SBF2: variants seen among roughly 807,000 people sequenced by gnomAD.
SBF2 encodes myotubularin-related protein 13.
In SBF2, 112 loss-of-function variants were observed where a neutral mutation model predicts 225.2. That is an observed-to-expected ratio of 0.50 (90% CI 0.43 to 0.58). The LOEUF (loss-of-function observed/expected upper bound fraction) is 0.58, where lower values mean the gene tolerates loss of function less well. Ranked by LOEUF, SBF2 falls within the 20% of genes least tolerant of loss-of-function variation. SBF2 has a pLI of 0.00. For missense variants in SBF2, 1,996 were observed against 2,206.2 expected (o/e 0.90, Z 1.91); for synonymous variants, 763 against 773.3 (o/e 0.99, Z 0.22).
At chr11:9,989,093 C>T (rs578150085) in intron 13 of SBF2, among the ~76,000 whole-genome samples, 53 of 149,614 alleles carry the variant, frequency 3.5e-4, no homozygotes, top group Middle Eastern at 7.1e-3. Context: ...CACACGTACA[C>T]GATGGAATAC....
chr11:10,273,025 G>T (rs918251037), intron 1 of SBF2, among the ~76,000 whole-genome samples: 1 of 148,238 alleles, frequency 6.7e-6, no homozygotes, highest in Non-Finnish European at 1.5e-5. Flanking sequence ...AGCCAAGATC[G>T]CGCCACTGCA....
intron 25 of SBF2, among the ~76,000 whole-genome samples, chr11:9,840,144 G>T (rs1297871134): frequency 6.6e-6 from 1 of 151,736 alleles, no homozygotes; most frequent in African/African-American, 2.4e-5. Flanking sequence ...TGAGGCAGGA[G>T]AATCACTTGA....
chr11:9,993,022 T>C lies in SBF2; in HGVS notation c.1135A>G (p.Ile379Val), dbSNP rs1289973425. 1 of 1,612,362 alleles carries C rather than the reference T, an allele frequency of 6.2e-7. No individual in the cohort carries two copies. Among genetic ancestry groups the C allele is most frequent in the Non-Finnish European group, 8.5e-7 (1 of 1,179,282 alleles). ...AAATGTATTACTGGCTCTGCATGAA[T>C]TCTTATAAGTTGCAGGCAGGATCTA... The part of the protein sequence containing the change: ...GYRSCLQLIR[I>V]HAEPVIHFHK... Residue 379 changes from isoleucine (I) to valine (V), a missense_variant, in exon 11 of 40, where the codon ATT becomes GTT. Coordinates refer to ENST00000256190, the MANE Select transcript of SBF2 (RefSeq NM_030962.4).
At position 9,784,299 on chromosome 11, in the gene SBF2, G is replaced by A. The variant is rs35103525; in HGVS notation, c.5319+52C>T. 0.018 allele frequency: 23,489 copies of A among 1,320,852 alleles called. 263 individuals carry two copies. Among genetic ancestry groups the A allele is most frequent in the Non-Finnish European group, 0.022 (19,800 of 912,590 alleles). The allele number at this position is 1,320,852 out of a possible 1,614,324, so 81.8% of individuals were successfully genotyped here. On this transcript the variant is annotated intron_variant, in intron 38 of 39. Coordinates refer to ENST00000256190, the MANE Select transcript of SBF2 (RefSeq NM_030962.4). ...CTGCTAGAGCCACATAATAGCCAGG[G>A]ACTGGGACTAGCCTAGACAGAAGTA...
At chr11:9,828,718 G>T in intron 28 of SBF2, 1 of 798,474 alleles carries the variant, frequency 1.3e-6, no homozygotes, top group Non-Finnish European at 1.5e-6. Context: ...ATAGGCTGCA[G>T]ATATTTTGGG....
chr11:10,008,264 T>C (rs1448988251), intron 6 of SBF2, among the ~76,000 whole-genome samples: 1 of 152,120 alleles, frequency 6.6e-6, no homozygotes, highest in Admixed American at 6.5e-5. Context: ...CCCCATCACT[T>C]TCACAGAGAG....
At chr11:10,033,538 T>C (rs1476166953) in intron 3 of SBF2, among the ~76,000 whole-genome samples, 2 of 152,142 alleles carry the variant, frequency 1.3e-5, no homozygotes, top group Admixed American at 6.5e-5. Context: ...TTTGTAAATG[T>C]GCTACAAATC....
intron 16 of SBF2, among the ~76,000 whole-genome samples, chr11:9,937,193 A>G (rs1346120711): frequency 6.6e-6 from 1 of 152,200 alleles, no homozygotes; most frequent in Non-Finnish European, 1.5e-5. Context: ...TCAGCACAAT[A>G]TATGCAAATA....
chr11:9,867,238 C>T (rs939990680), intron 17 of SBF2, among the ~76,000 whole-genome samples: 1 of 152,008 alleles, frequency 6.6e-6, no homozygotes, highest in Non-Finnish European at 1.5e-5. Context: ...ATTTCATGTA[C>T]CCCATAAATA....
intron 1 of SBF2, among the ~76,000 whole-genome samples, chr11:10,200,879 G>A (rs921498815): frequency 8.6e-5 from 13 of 151,692 alleles, no homozygotes; most frequent in East Asian, 1.9e-4. Flanking sequence ...AATATTTCCC[G>A]AAAAAAAATT....
chr11:9,968,229 G>T, intron 14 of SBF2, 112 bp downstream of exon 14: 1 of 921,204 alleles, frequency 1.1e-6, no homozygotes, highest in Non-Finnish European at 1.8e-6. Context: ...TCTGATTCTA[G>T]CTACAGGAGT....
intron 16 of SBF2, among the ~76,000 whole-genome samples, chr11:9,942,901 G>A (rs6144206): frequency 3.9e-4 from 40 of 101,306 alleles, no homozygotes; most frequent in Admixed American, 3.2e-3. Flanking sequence ...AAGAGAGAGA[G>A]AGAAAGAAAG....
intron 16 of SBF2, among the ~76,000 whole-genome samples, chr11:9,915,135 G>C (rs914885627): frequency 3.9e-5 from 6 of 152,126 alleles, no homozygotes; most frequent in African/African-American, 1.4e-4. Flanking sequence ...TTTCATTATG[G>C]AAGCCAAGGA....
chr11:9,788,712 A>G (rs1167229668), intron 35 of SBF2, among the ~76,000 whole-genome samples: 1 of 149,134 alleles, frequency 6.7e-6, no homozygotes, highest in Non-Finnish European at 1.5e-5. Flanking sequence ...CTCCTGCCTC[A>G]GCCTCCCGAG....
chr11:10,009,506 G>A (rs969129680), intron 6 of SBF2, among the ~76,000 whole-genome samples: 7 of 152,028 alleles, frequency 4.6e-5, no homozygotes, highest in South Asian at 2.1e-4. Context: ...GAGAACATGC[G>A]GTGTTTGGTT....
At chr11:9,955,519 T>G (rs1020293215) in intron 16 of SBF2, among the ~76,000 whole-genome samples, 1 of 152,030 alleles carries the variant, frequency 6.6e-6, no homozygotes, top group African/African-American at 2.4e-5. Flanking sequence ...AGTTAGGCTG[T>G]TTTTGATTTT....
At chr11:9,937,660 G>A (rs1864980283) in intron 16 of SBF2, among the ~76,000 whole-genome samples, 2 of 151,852 alleles carry the variant, frequency 1.3e-5, no homozygotes, top group African/African-American at 2.4e-5. Context: ...GTATAAAAAC[G>A]GGCAAAAAAG....
At chr11:10,260,001 C>T (rs553129297) in intron 1 of SBF2, among the ~76,000 whole-genome samples, 7 of 152,166 alleles carry the variant, frequency 4.6e-5, no homozygotes, top group Non-Finnish European at 8.8e-5. Flanking sequence ...TCCATATATT[C>T]GAATAGTTAT....
intron 16 of SBF2, among the ~76,000 whole-genome samples, chr11:9,940,481 G>A (rs780804310): frequency 6.6e-6 from 1 of 152,118 alleles, no homozygotes; most frequent in Non-Finnish European, 1.5e-5. Flanking sequence ...TAATACCAAA[G>A]TCTGAGCAGC....
Sources: gnomAD v4.1 joint callset for allele counts (sites outside exome capture counted in the v4.1 genomes callset) on GRCh38, gnomAD v4.1.1 for gene constraint, MANE v1.5 for transcripts, NCBI Gene and HGNC (gene_info 2026-07-23, HGNC 2026-07-21) for gene names.